The following NSD1 variants were observed in gnomAD, a reference collection of about 807,000 sequenced individuals.
The protein encoded by NSD1 is histone-lysine N-methyltransferase, H3 lysine-36 specific.
A neutral mutation model predicts 242.7 loss-of-function variants in NSD1; 26 were observed. The observed-to-expected ratio is 0.11, with a 90% CI of 0.08 to 0.15. The LOEUF (loss-of-function observed/expected upper bound fraction) is 0.15. Ranked by LOEUF, NSD1 falls within the 10% of genes least tolerant of loss-of-function variation. The pLI is 1.00. For synonymous variants in NSD1, 1,106 were observed against 1,178.1 expected (o/e 0.94, Z 1.25); for missense variants, 2,495 against 3,272.8 (o/e 0.76, Z 5.80).
At position 177,209,740 on chromosome 5, in the gene NSD1, C is replaced by T; in HGVS notation, c.1341C>T (p.Ile447=). The change falls in exon 5 of 23, where the codon ATC becomes ATT. Residue 447 remains isoleucine, a synonymous_variant. Transcript: ENST00000439151. ...SKNRKCIPGS[I]KLDSEEDMPF... The stretch of plus-strand genomic sequence containing the variant: ...ACCGAAAATGTATTCCTGGTTCAAT[C>T]AAGTTGGACAGTGAAGAAGATATGC... 1 of 1,614,072 alleles carries T rather than the reference C, an allele frequency of 6.2e-7. No homozygotes were observed. The highest frequency in any genetic ancestry group is 8.5e-7 in the Non-Finnish European group (1 of 1,179,984).
rs1760330848 is a variant in NSD1, at chr5:177,297,602, A to G, written c.*2143A>G. ...CACTGCACTGTCAGAGTCTCCTTTC[A>G]CTATGTTGTGTGTTAAATTACCGTA... On this transcript the variant is annotated 3_prime_UTR_variant, in exon 23 of 23. Coordinates refer to ENST00000439151, the MANE Select transcript of NSD1 (RefSeq NM_022455.5). 1 of 182,306 alleles carries G rather than the reference A, an allele frequency of 5.5e-6. No individual in the cohort carries two copies. The highest frequency in any genetic ancestry group is 2.0e-3 in the Middle Eastern group (1 of 506). 11.3% of individuals were successfully genotyped at this position (182,306 alleles called of 1,614,324 possible).
intron 2 of NSD1, among the ~76,000 whole-genome samples, chr5:177,142,672 C>T (rs1756924195): frequency 6.6e-6 from 1 of 152,166 alleles, no homozygotes; most frequent in African/African-American, 2.4e-5. Context: ...TACAGATGCC[C>T]TCAGTTTCTC....
chr5:177,280,044 C>A (rs561421300), intron 17 of NSD1, among the ~76,000 whole-genome samples: 1 of 150,178 alleles, frequency 6.7e-6, no homozygotes, highest in African/African-American at 2.5e-5. Flanking sequence ...GAGTCTCACT[C>A]TGTTGCCCAG....
At position 177,216,447 on chromosome 5, in the gene NSD1, T is replaced by G. The variant is rs187099745; in HGVS notation, c.3796+4252T>G. Among the ~76,000 whole-genome samples, 24 of 152,272 alleles carry G rather than the reference T, an allele frequency of 1.6e-4. No individual in the cohort carries two copies. The East Asian group carries it at 4.6e-3, about 29-fold the overall frequency. ...TGAAGTTTTTTCGTCTGTTTTCTTC[T>G]AGGAGTTTCATAGTTGGAGGTCTTA... is the stretch of plus-strand genomic sequence containing the variant. On this transcript the variant is annotated intron_variant, in intron 5 of 22. Coordinates refer to ENST00000439151, the MANE Select transcript of NSD1 (RefSeq NM_022455.5).
At chr5:177,160,167 A>C (rs1758624887) in intron 2 of NSD1, among the ~76,000 whole-genome samples, 1 of 152,146 alleles carries the variant, frequency 6.6e-6, no homozygotes, top group Non-Finnish European at 1.5e-5. Context: ...CTGGGATTAC[A>C]GGCATGAGCT....
At chr5:177,158,241 CT>C (rs1215964072) in intron 2 of NSD1, among the ~76,000 whole-genome samples, 4 of 39,214 alleles carry the variant, frequency 1.0e-4, no homozygotes, top group Non-Finnish European at 2.5e-4. Flanking sequence ...GTTCTAATTT[CT>C]TTCTTTCTTT....
At chr5:177,147,696 T>A (rs1757369302) in intron 2 of NSD1, among the ~76,000 whole-genome samples, 1 of 151,762 alleles carries the variant, frequency 6.6e-6, no homozygotes, top group Non-Finnish European at 1.5e-5. Context: ...TTCAAGCGAT[T>A]CTCCTGCCTC....
chr5:177,141,902 C>T (rs1300154957), intron 2 of NSD1, among the ~76,000 whole-genome samples: 2 of 152,234 alleles, frequency 1.3e-5, no homozygotes, highest in African/African-American at 4.8e-5. Context: ...GGTGCCATCT[C>T]GGCTCACTGC....
chr5:177,271,164 A>G (rs1667546963), intron 16 of NSD1, among the ~76,000 whole-genome samples: 1 of 152,148 alleles, frequency 6.6e-6, no homozygotes, highest in African/African-American at 2.4e-5. Context: ...GAGAATCTGA[A>G]ATAGATACCA....
At chr5:177,197,989 TTTG>T (rs1242660080) in intron 3 of NSD1, among the ~76,000 whole-genome samples, 2 of 152,024 alleles carry the variant, frequency 1.3e-5, no homozygotes, top group Non-Finnish European at 2.9e-5. Context: ...ATTTTTATTT[TTTG>T]TTGTTATTTT....
chr5:177,249,266 G>A (rs1018073572), intron 11 of NSD1, among the ~76,000 whole-genome samples: 1 of 152,022 alleles, frequency 6.6e-6, no homozygotes, highest in African/African-American at 2.4e-5. Context: ...TTGAGGCCAG[G>A]AGTTCTAGAC....
At chr5:177,266,480 C>CA in intron 14 of NSD1, 2 of 621,650 alleles carry the variant, frequency 3.2e-6, no homozygotes, top group South Asian at 1.6e-5. Flanking sequence ...GCGTAGGAGT[C>CA]AAAGTAGTAA....
chr5:177,270,019 GC>G (rs1417863745), intron 16 of NSD1, among the ~76,000 whole-genome samples: 1 of 152,114 alleles, frequency 6.6e-6, no homozygotes, highest in Non-Finnish European at 1.5e-5. Flanking sequence ...ATTTCCTTGA[GC>G]TTTTTTTTGA....
intron 2 of NSD1, among the ~76,000 whole-genome samples, chr5:177,167,042 G>T (rs1009866789): frequency 6.6e-6 from 1 of 151,982 alleles, no homozygotes; most frequent in Non-Finnish European, 1.5e-5. Context: ...TACTGGGCAA[G>T]GCTGTGCCAG....
In NSD1 at chr5:177,204,250, T is replaced by C. The variant is rs757152233; in HGVS notation, c.1194T>C (p.Leu398=). The C allele has an allele frequency of 1.9e-6, 3 of 1,613,986 alleles. No individual in the cohort carries two copies. The highest frequency in any genetic ancestry group is 2.5e-6 in the Non-Finnish European group (3 of 1,179,952). ...GRHQFEELPV[L]RRRGKQKEKG... Reference sequence around the variant, plus strand: ...ATCAATTCGAAGAGCTACCTGTCCTTAGGAGAAGAGGGAAACAGAAAGAAA... The same window carrying C: ...ATCAATTCGAAGAGCTACCTGTCCTCAGGAGAAGAGGGAAACAGAAAGAAA... The change falls in exon 4 of 23, where the codon CTT becomes CTC. Residue 398 remains leucine (L), a synonymous_variant. Coordinates refer to ENST00000439151, the MANE Select transcript of NSD1 (RefSeq NM_022455.5).
chr5:177,161,270 T>C (rs891095323), intron 2 of NSD1, among the ~76,000 whole-genome samples: 1 of 151,960 alleles, frequency 6.6e-6, no homozygotes, highest in African/African-American at 2.4e-5. Flanking sequence ...TGGTCCCAGC[T>C]ACTTGGGTGG....
At position 177,269,921 on chromosome 5, in the gene NSD1, G is replaced by A; in HGVS notation, c.5509+114G>A. On this transcript the variant is annotated intron_variant, in intron 16 of 22. Coordinates refer to ENST00000439151, the MANE Select transcript of NSD1 (RefSeq NM_022455.5). The surrounding 1 kb of genome is among the most constrained non-coding windows in gnomAD (Gnocchi z 5.1). ...TTGAAACTGCCTTTGTCCTCTCAGG[G>A]CATTATCTGGCTGCAAATACAGTAT... 2.4e-6 allele frequency: 2 copies of A among 826,742 alleles called. No homozygotes were observed. Among genetic ancestry groups the A allele is most frequent in the Admixed American group, 2.7e-5 (1 of 36,444 alleles). The allele number at this position is 826,742 out of a possible 1,614,324, so 51.2% of individuals were successfully genotyped here.
Position 177,211,113 on chromosome 5 carries a change from ACAAATT to A in NSD1, c.2717_2722del (p.Lys906_Phe907del), listed in dbSNP as rs1562210007. ...AATCACATACCTATTGAACCAGACT[ACAAATT>A]CAGTACATTGCTAATGATGTTGAAA... On this transcript the variant is annotated inframe_deletion, in exon 5 of 23. Coordinates refer to ENST00000439151, the MANE Select transcript of NSD1 (RefSeq NM_022455.5). 1 of 1,614,220 alleles carries A rather than the reference ACAAATT, an allele frequency of 6.2e-7. No homozygotes were observed. The highest frequency in any genetic ancestry group is 8.5e-7 in the Non-Finnish European group (1 of 1,180,036).
intron 8 of NSD1, among the ~76,000 whole-genome samples, chr5:177,243,054 C>G (rs896178490): frequency 6.6e-6 from 1 of 152,190 alleles, no homozygotes; most frequent in Non-Finnish European, 1.5e-5. Context: ...TTGGATTAAT[C>G]TGAAGTCATT....
Sources: allele counts gnomAD v4.1 joint callset (sites outside exome capture counted in the v4.1 genomes callset), GRCh38; gene constraint gnomAD v4.1.1; non-coding constraint Gnocchi (gnomAD v3.1); transcripts MANE v1.5; gene names NCBI Gene and HGNC (gene_info 2026-07-23, HGNC 2026-07-21).